The following NUP98 variants were observed in gnomAD, a reference collection of about 807,000 sequenced individuals.
The protein encoded by NUP98 is nucleoporin 98 and 96 precursor.
NUP98 carries 26 observed loss-of-function variants against 191.9 expected under a neutral mutation model. That is an observed-to-expected ratio of 0.14 (90% CI 0.10 to 0.19). NUP98 has a LOEUF of 0.19. NUP98 is among the 10% of genes least tolerant of loss of function. The probability of loss-of-function intolerance (pLI) is 1.00; values close to 1 mark genes in which losing one functional copy is unlikely to be tolerated. For synonymous variants in NUP98, 808 were observed against 778.4 expected (o/e 1.04, Z -0.63); for missense variants, 1,941 against 2,178.8 (o/e 0.89, Z 2.17).
chr11:3,729,416 C>T (rs1311945263), intron 14 of NUP98, among the ~76,000 whole-genome samples: 1 of 151,530 alleles, frequency 6.6e-6, no homozygotes, highest in Non-Finnish European at 1.5e-5. Context: ...GCTTCTGTTA[C>T]ATTAAGACGG....
chr11:3,767,216 C>T (rs1189735401), intron 8 of NUP98, among the ~76,000 whole-genome samples: 1 of 151,758 alleles, frequency 6.6e-6, no homozygotes, highest in Non-Finnish European at 1.5e-5. Context: ...CCACCTCAGC[C>T]TCCCAAAGTG....
chr11:3,768,701 T>C lies in NUP98; in HGVS notation c.828A>G (p.Gln276=), dbSNP rs1370943914. 1 of 1,604,926 alleles carries C rather than the reference T, an allele frequency of 6.2e-7. No homozygotes were observed. Among genetic ancestry groups the C allele is most frequent in the East Asian group, 2.2e-5 (1 of 44,814 alleles). ...FGTNPGGLFG[Q]QNQQTTSLFS... is the part of the protein sequence containing the mutation. ...AGAGGCTGGTAGTCTGCTGATTCTG[T>C]TGGCCAAAGAGACCACCTGGATTTG... is the stretch of plus-strand genomic sequence containing the variant. Residue 276 remains glutamine, a synonymous_variant, in exon 8 of 33, where the codon CAA becomes CAG. Transcript: ENST00000324932.
intron 11 of NUP98, among the ~76,000 whole-genome samples, chr11:3,747,938 G>A (rs2134404180): frequency 6.6e-6 from 1 of 152,300 alleles, no homozygotes; most frequent in Non-Finnish European, 1.5e-5. Context: ...CAGTGTGTGT[G>A]CTTGCTGACT....
chr11:3,733,632 T>C (rs993913748), intron 13 of NUP98, among the ~76,000 whole-genome samples: 1 of 152,162 alleles, frequency 6.6e-6, no homozygotes, highest in Non-Finnish European at 1.5e-5. Flanking sequence ...TCACTTATGT[T>C]TTCAAGGTTT....
chr11:3,782,952 A>G (rs2082023718), intron 1 of NUP98, among the ~76,000 whole-genome samples: 1 of 152,174 alleles, frequency 6.6e-6, no homozygotes, highest in African/African-American at 2.4e-5. Context: ...TTTTCAAATT[A>G]TGCATGCCCC....
intron 20 of NUP98, among the ~76,000 whole-genome samples, chr11:3,707,471 G>A (rs2134141411): frequency 6.6e-6 from 1 of 152,038 alleles, no homozygotes; most frequent in East Asian, 1.9e-4. Context: ...TTCTAGACTG[G>A]GTTTGATGGC....
At chr11:3,763,599 C>T (rs1174569958) in intron 8 of NUP98, among the ~76,000 whole-genome samples, 10 of 152,094 alleles carry the variant, frequency 6.6e-5, no homozygotes, top group Admixed American at 6.6e-4. Flanking sequence ...GTTCTGTTGC[C>T]CAGGCTGAAG....
intron 15 of NUP98, among the ~76,000 whole-genome samples, chr11:3,724,840 G>T (rs2079555844): frequency 6.7e-6 from 1 of 150,346 alleles, no homozygotes; most frequent in Non-Finnish European, 1.5e-5. Context: ...GCTAAAGGGT[G>T]TCAAATACAT....
chr11:3,694,549 G>C (rs1432475273), intron 26 of NUP98, among the ~76,000 whole-genome samples: 2 of 151,472 alleles, frequency 1.3e-5, no homozygotes, highest in African/African-American at 4.8e-5. Flanking sequence ...GACCATCCTG[G>C]CTAACATGGT....
At chr11:3,739,803 A>C (rs1048311407) in intron 12 of NUP98, among the ~76,000 whole-genome samples, 4 of 152,150 alleles carry the variant, frequency 2.6e-5, no homozygotes, top group African/African-American at 9.7e-5. Context: ...GTACACTCAA[A>C]AGCAGTTACA....
chr11:3,768,918 T>A (rs1320480449), intron 7 of NUP98, among the ~76,000 whole-genome samples, 174 bp from the exon 8 acceptor site: 1 of 152,204 alleles, frequency 6.6e-6, no homozygotes, highest in Non-Finnish European at 1.5e-5. Context: ...ACTCTAGATT[T>A]AAACTTTAAC....
At position 3,719,523 on chromosome 11, in the gene NUP98, T is replaced by A. The variant is rs746523136; in HGVS notation, c.2288A>T (p.Asp763Val). 1 of 1,590,144 alleles carries A rather than the reference T, an allele frequency of 6.3e-7. No individual in the cohort carries two copies. The highest frequency in any genetic ancestry group is 2.3e-5 in the East Asian group (1 of 43,560). The part of the protein sequence containing the change: ...KGYGSIYFEG[D>V]VNLTNLNLDD... ...CAAATTTAGATTTGTCAAATTCACATCTCCTTCAAAATAGATTGAACCATA... is the reference window on the plus strand; with the variant it reads ...CAAATTTAGATTTGTCAAATTCACAACTCCTTCAAAATAGATTGAACCATA... The change falls in exon 18 of 33, where the codon GAT becomes GTT. Residue 763 changes from aspartate (D) to valine (V), a missense_variant. Transcript: ENST00000324932.
At chr11:3,741,108 C>T (rs2080269434) in intron 12 of NUP98, among the ~76,000 whole-genome samples, 1 of 151,604 alleles carries the variant, frequency 6.6e-6, no homozygotes, top group Non-Finnish European at 1.5e-5. Context: ...AGTCATGAGC[C>T]ACCATGCCCA....
intron 2 of NUP98, among the ~76,000 whole-genome samples, chr11:3,780,561 A>G (rs1415348629): frequency 7.3e-6 from 1 of 137,604 alleles, no homozygotes; most frequent in Non-Finnish European, 1.6e-5. Flanking sequence ...AAAAAAAAAA[A>G]AGAAAAAGAA....
At position 3,713,952 on chromosome 11, in the gene NUP98, T is replaced by C. The variant is rs2079096901; in HGVS notation, c.2443A>G (p.Thr815Ala). The change falls in exon 19 of 33, where the codon ACA becomes GCA. Residue 815 changes from threonine (T) to alanine (A), a missense_variant. Thr to Ala is a moderately conservative substitution (Grantham distance 58, BLOSUM62 0). Coordinates refer to ENST00000324932, the MANE Select transcript of NUP98 (RefSeq NM_016320.5). ...GGGCTCTTTATTAAACAACGAGATG[T>C]TTTATCTGTTGGCCAAACTCCATCC... is the stretch of plus-strand genomic sequence containing the variant. Reference protein sequence around the residue: ...TLDGVWPTDKTSRCLIKSPDR... With the variant: ...TLDGVWPTDKASRCLIKSPDR... 6.2e-7 allele frequency: 1 copy of C among 1,614,096 alleles called. No individual in the cohort carries two copies. Among genetic ancestry groups the C allele is most frequent in the Admixed American group, 1.7e-5 (1 of 60,006 alleles).
chr11:3,740,706 C>T (rs935358968), intron 12 of NUP98, among the ~76,000 whole-genome samples: 14 of 151,892 alleles, frequency 9.2e-5, no homozygotes, highest in Non-Finnish European at 1.9e-4. Context: ...TTAGAGGACC[C>T]TCTGATAATA....
chr11:3,789,348 A>C (rs1263549738), intron 1 of NUP98, among the ~76,000 whole-genome samples: 3 of 152,296 alleles, frequency 2.0e-5, no homozygotes, highest in Admixed American at 2.0e-4. Context: ...GCACAAGCAT[A>C]AAGCACCACT....
intron 13 of NUP98, 39 bp downstream of exon 13, chr11:3,735,152 C>A: frequency 2.6e-6 from 4 of 1,509,570 alleles, no homozygotes; most frequent in Non-Finnish European, 3.6e-6. Context: ...GTTTCTCTTT[C>A]TTTGATATGA....
At position 3,719,392 on chromosome 11, in the gene NUP98, G is replaced by GT. The variant is rs1564840099; in HGVS notation, c.2399+19dup. ...ATTGTGATTTAGCTGATAATTTTCTGTATGTACATAAACTCTTACCTATTT... is the reference window on the plus strand; with the variant it reads ...ATTGTGATTTAGCTGATAATTTTCTGTTATGTACATAAACTCTTACCTATTT... On this transcript the variant is annotated intron_variant, in intron 18 of 32. Transcript: ENST00000324932. 1.3e-6 allele frequency: 2 copies of GT among 1,562,816 alleles called. No homozygotes were observed. The highest frequency in any genetic ancestry group is 2.2e-5 in the Admixed American group (1 of 44,556).
Sources: allele counts gnomAD v4.1 joint callset (sites outside exome capture counted in the v4.1 genomes callset), GRCh38; gene constraint gnomAD v4.1.1; transcripts MANE v1.5; gene names NCBI Gene and HGNC (gene_info 2026-07-23, HGNC 2026-07-21).